The following KCNQ1OT1 variants were observed in gnomAD, a reference collection of about 807,000 sequenced individuals.
The protein encoded by KCNQ1OT1 is KCNQ1 antisense RNA 2 (non-protein coding).
At chr11:2,696,532 G>A (rs1175092586) in exon 1 of KCNQ1OT1, 4 of 398,510 alleles carry the variant, frequency 1.0e-5, no homozygotes, top group Non-Finnish European at 1.3e-5. Flanking sequence ...CAAAAGTTCA[G>A]TTGGCATTTA....
In KCNQ1OT1 at chr11:2,679,225, C is replaced by CAG. The variant is rs1395612054; in HGVS notation, n.20768_20769dup. The stretch of plus-strand genomic sequence containing the variant: ...CAGCCCCATCCATGTGAAGCTGGTC[C>CAG]AGAGGACTACAGCTGCCTGTCCCAC... On this transcript the variant is annotated non_coding_transcript_exon_variant, in exon 1 of 1. Transcript: ENST00000597346. This position sits in a 1 kb window ranked among gnomAD's most constrained non-coding sequence, Gnocchi z 4.8. 2.0e-5 allele frequency: 8 copies of CAG among 398,508 alleles called. No individual in the cohort carries two copies. Among genetic ancestry groups the CAG allele is most frequent in the Non-Finnish European group, 4.4e-6 (1 of 226,082 alleles). 24.7% of individuals were successfully genotyped at this position (398,508 alleles called of 1,614,324 possible).
Position 2,652,005 on chromosome 11 carries a change from A to T in KCNQ1OT1, n.47990T>A, listed in dbSNP as rs989318257. ...ACTTTTGACATCAGTTGTTAACATAATTTTGATGTTGAGCCTCCCCCCAGT... is the reference window on the plus strand; with the variant it reads ...ACTTTTGACATCAGTTGTTAACATATTTTTGATGTTGAGCCTCCCCCCAGT... On this transcript the variant is annotated non_coding_transcript_exon_variant, in exon 1 of 1. Coordinates refer to ENST00000597346, the Ensembl canonical transcript of KCNQ1OT1. This position sits in a 1 kb window ranked among gnomAD's most constrained non-coding sequence, Gnocchi z 5.9. The T allele has an allele frequency of 1.8e-5, 7 of 398,484 alleles. No homozygotes were observed. The South Asian group carries it at 8.9e-4, about 51-fold the overall frequency. 24.7% of individuals were successfully genotyped at this position (398,484 alleles called of 1,614,324 possible). A position where few individuals can be genotyped will look rare whatever the true frequency, so the allele number is the denominator to read the frequency against.
exon 1 of KCNQ1OT1, chr11:2,636,682 G>C (rs1166323463): frequency 6.6e-6 from 1 of 152,228 alleles, no homozygotes; most frequent in East Asian, 1.9e-4. Context: ...TTTGGTATCA[G>C]GATGATGCTG....
chr11:2,628,346 A>G (rs1267791993), exon 1 of KCNQ1OT1: 4 of 398,540 alleles, frequency 1.0e-5, no homozygotes, highest in South Asian at 2.5e-4. Flanking sequence ...TTATGAGGTG[A>G]TATCTCAGTG....
Position 2,670,658 on chromosome 11 carries a change from ATT to A in KCNQ1OT1, n.29335_29336del. 2 of 398,560 alleles carry A rather than the reference ATT, an allele frequency of 5.0e-6. No individual in the cohort carries two copies. Among genetic ancestry groups the A allele is most frequent in the Non-Finnish European group, 8.8e-6 (2 of 226,080 alleles). 24.7% of individuals were successfully genotyped at this position (398,560 alleles called of 1,614,324 possible). A position where few individuals can be genotyped will look rare whatever the true frequency, so the allele number is the denominator to read the frequency against. ...GCAGAGGCCAGGATGAACCCTGAAG[ATT>A]GGTAGGAAGGCAGTGTAGCAGTAAC... On this transcript the variant is annotated non_coding_transcript_exon_variant, in exon 1 of 1. Coordinates refer to ENST00000597346, the Ensembl canonical transcript of KCNQ1OT1. The surrounding 1 kb of genome is among the most constrained non-coding windows in gnomAD (Gnocchi z 4.9).
rs1422168610 is a variant in KCNQ1OT1, at chr11:2,608,590, C to G, written n.91405G>C. On this transcript the variant is annotated non_coding_transcript_exon_variant, in exon 1 of 1. Transcript: ENST00000597346. This position sits in a 1 kb window ranked among gnomAD's most constrained non-coding sequence, Gnocchi z 4.6. Reference sequence around the variant, plus strand: ...TCCTAGTCTCAAGTGATCCTTGCCCCTTAGCCTATGACAGGTGTGCACCAC... The same window carrying G: ...TCCTAGTCTCAAGTGATCCTTGCCCGTTAGCCTATGACAGGTGTGCACCAC... 6.3e-5 allele frequency: 25 copies of G among 398,458 alleles called. No individual in the cohort carries two copies. Among genetic ancestry groups the G allele is most frequent in the Non-Finnish European group, 1.1e-4 (24 of 226,086 alleles). 24.7% of individuals were successfully genotyped at this position (398,458 alleles called of 1,614,324 possible). A position where few individuals can be genotyped will look rare whatever the true frequency, so the allele number is the denominator to read the frequency against.
exon 1 of KCNQ1OT1, chr11:2,667,470 G>A (rs185336261): frequency 4.8e-4 from 191 of 398,554 alleles, no homozygotes; most frequent in South Asian, 8.9e-4. Flanking sequence ...GATGGTGTTG[G>A]AGGATGTGAC....
chr11:2,674,671 T>C lies in KCNQ1OT1; in HGVS notation n.25324A>G, dbSNP rs1850259372. The C allele has an allele frequency of 2.5e-6, 1 of 398,522 alleles. No homozygotes were observed. The highest frequency in any genetic ancestry group is 6.3e-4 in the Middle Eastern group (1 of 1,588). The allele number at this position is 398,522 out of a possible 1,614,324, so 24.7% of individuals were successfully genotyped here. ...AGCCAGAACTTTTTGCAAAATAATT[T>C]GAAAAGTTTGTTGAACCTTAAACCT... On this transcript the variant is annotated non_coding_transcript_exon_variant, in exon 1 of 1. Transcript: ENST00000597346. The surrounding 1 kb of genome is among the most constrained non-coding windows in gnomAD (Gnocchi z 5.9).
chr11:2,652,821 G>A lies in KCNQ1OT1; in HGVS notation n.47174C>T, dbSNP rs899757229. On this transcript the variant is annotated non_coding_transcript_exon_variant, in exon 1 of 1. Transcript: ENST00000597346. The surrounding 1 kb of genome is among the most constrained non-coding windows in gnomAD (Gnocchi z 5.9). Reference sequence around the variant, plus strand: ...CCCTTGGGCCTGCAGAGACATTTCCGTTCACTCTGAGATTTGTGTATGCTG... The same window carrying A: ...CCCTTGGGCCTGCAGAGACATTTCCATTCACTCTGAGATTTGTGTATGCTG... 27 of 398,848 alleles carry A rather than the reference G, an allele frequency of 6.8e-5. No individual in the cohort carries two copies. The highest frequency in any genetic ancestry group is 1.3e-4 in the Admixed American group (3 of 22,716). 24.7% of individuals were successfully genotyped at this position (398,848 alleles called of 1,614,324 possible).
chr11:2,648,100 G>A (rs1590003758), exon 1 of KCNQ1OT1: 1 of 373,462 alleles, frequency 2.7e-6, no homozygotes, highest in East Asian at 3.8e-5. Flanking sequence ...CATCTACTCA[G>A]AAGCTGAGGC....
chr11:2,624,270 G>T lies in KCNQ1OT1; in HGVS notation n.75725C>A. On this transcript the variant is annotated non_coding_transcript_exon_variant, in exon 1 of 1. Coordinates refer to ENST00000597346, the Ensembl canonical transcript of KCNQ1OT1. The surrounding 1 kb of genome is among the most constrained non-coding windows in gnomAD (Gnocchi z 4.9). The stretch of plus-strand genomic sequence containing the variant: ...AGTCCATTTTGTAATCAGATTGTTT[G>T]TTTTCTAATTGTTATGTTTTTAAGG... The T allele has an allele frequency of 2.5e-6, 1 of 398,460 alleles. No homozygotes were observed. The highest frequency in any genetic ancestry group is 3.6e-5 in the East Asian group (1 of 28,058). The allele number at this position is 398,460 out of a possible 1,614,324, so 24.7% of individuals were successfully genotyped here.
chr11:2,681,845 A>C, exon 1 of KCNQ1OT1: 1 of 398,548 alleles, frequency 2.5e-6, no homozygotes, highest in Non-Finnish European at 4.4e-6. Flanking sequence ...CCCAAACATC[A>C]AGGTACTCCA....
At chr11:2,640,397 A>C (rs190494171) in exon 1 of KCNQ1OT1, 4 of 398,500 alleles carry the variant, frequency 1.0e-5, no homozygotes, top group African/African-American at 8.2e-5. Flanking sequence ...GTCATTCTCC[A>C]TCCTTGACCC....
In KCNQ1OT1 at chr11:2,698,567, A is replaced by C. The variant is rs1212871809; in HGVS notation, n.1428T>G. The C allele has an allele frequency of 2.5e-6, 1 of 397,598 alleles. No homozygotes were observed. Among genetic ancestry groups the C allele is most frequent in the Non-Finnish European group, 4.4e-6 (1 of 225,886 alleles). 24.6% of individuals were successfully genotyped at this position (397,598 alleles called of 1,614,324 possible). A position where few individuals can be genotyped will look rare whatever the true frequency, so the allele number is the denominator to read the frequency against. ...CCTTTACTTCGCCCCCTAATTCCTGACTCAGAATCCCCACCTAGAGGCAGA... is the reference window on the plus strand; with the variant it reads ...CCTTTACTTCGCCCCCTAATTCCTGCCTCAGAATCCCCACCTAGAGGCAGA... On this transcript the variant is annotated non_coding_transcript_exon_variant, in exon 1 of 1. Transcript: ENST00000597346. The surrounding 1 kb of genome is among the most constrained non-coding windows in gnomAD (Gnocchi z 5.1).
Position 2,626,143 on chromosome 11 carries a change from A to G in KCNQ1OT1, n.73852T>C, listed in dbSNP as rs990179554. On this transcript the variant is annotated non_coding_transcript_exon_variant, in exon 1 of 1. Transcript: ENST00000597346. The surrounding 1 kb of genome is among the most constrained non-coding windows in gnomAD (Gnocchi z 4.0). ...GTGTCGCATACAAGAAGCACTGCCA[A>G]TGATGTAAAGTTTTTCCCCTATGTT... The G allele has an allele frequency of 1.8e-5, 7 of 398,004 alleles. No homozygotes were observed. The highest frequency in any genetic ancestry group is 6.2e-5 in the African/African-American group (3 of 48,182). The allele number at this position is 398,004 out of a possible 1,614,324, so 24.7% of individuals were successfully genotyped here.
At position 2,669,768 on chromosome 11, in the gene KCNQ1OT1, T is replaced by G. The variant is rs945347017; in HGVS notation, n.30227A>C. On this transcript the variant is annotated non_coding_transcript_exon_variant, in exon 1 of 1. Coordinates refer to ENST00000597346, the Ensembl canonical transcript of KCNQ1OT1. This position sits in a 1 kb window ranked among gnomAD's most constrained non-coding sequence, Gnocchi z 5.6. ...GCCAGCATAGAATGTCTCTTTGTGA[T>G]GGGAGATCCTGTGGGGACATTCCTT... 7 of 398,668 alleles carry G rather than the reference T, an allele frequency of 1.8e-5. No individual in the cohort carries two copies. The highest frequency in any genetic ancestry group is 2.7e-5 in the Non-Finnish European group (6 of 226,080). 24.7% of individuals were successfully genotyped at this position (398,668 alleles called of 1,614,324 possible).
chr11:2,684,920 C>T (rs1298556296), exon 1 of KCNQ1OT1: 1 of 398,504 alleles, frequency 2.5e-6, no homozygotes, highest in Non-Finnish European at 4.4e-6. Context: ...AGTTTGTGTC[C>T]CTGATCCATG....
exon 1 of KCNQ1OT1, chr11:2,610,197 G>T: frequency 2.5e-6 from 1 of 397,524 alleles, no homozygotes; most frequent in Non-Finnish European, 4.4e-6. Flanking sequence ...TTGCTCTAGG[G>T]CTTACCTTAT....
chr11:2,680,259 T>C (rs969625210), exon 1 of KCNQ1OT1: 16 of 397,866 alleles, frequency 4.0e-5, no homozygotes, highest in Non-Finnish European at 7.1e-5. Flanking sequence ...TCATATCCCA[T>C]TGGCATTTGT....
Sources: gnomAD v4.1 joint callset for allele counts on GRCh38, gnomAD v4.1.1 for gene constraint, Gnocchi (gnomAD v3.1) non-coding constraint, MANE v1.5 for transcripts, NCBI Gene and HGNC (gene_info 2026-07-23, HGNC 2026-07-21) for gene names.